The following GALNT10 variants were observed in gnomAD, a reference collection of about 807,000 sequenced individuals.
GALNT10 encodes GalNAc transferase 10.
A neutral mutation model predicts 75.0 loss-of-function variants in GALNT10; 41 were observed. The observed-to-expected ratio is 0.55, with a 90% confidence interval of 0.43 to 0.71. The LOEUF (loss-of-function observed/expected upper bound fraction) is 0.71. Among genes scored for constraint, GALNT10 ranks in the 30% least tolerant of loss-of-function variants. GALNT10 has a pLI of 0.00. For synonymous variants in GALNT10, 302 were observed against 313.0 expected, an observed-to-expected ratio of 0.96 and a Z score of 0.37; for missense variants, 727 against 818.5, an observed-to-expected ratio of 0.89 and a Z score of 1.36.
chr5:154,393,439 A>AGG (rs1435691260), intron 7 of GALNT10, among the ~76,000 whole-genome samples: 1 of 152,098 alleles, frequency 6.6e-6, no homozygotes, highest in Non-Finnish European at 1.5e-5. Flanking sequence ...TGGGGGTGGG[A>AGG]GGTCTTCAAA....
intron 1 of GALNT10, among the ~76,000 whole-genome samples, chr5:154,278,916 A>G (rs1471184627): frequency 6.6e-6 from 1 of 152,196 alleles, no homozygotes; most frequent in Admixed American, 6.5e-5. Context: ...CATTTTATAT[A>G]TATGTCACAT....
intron 1 of GALNT10, among the ~76,000 whole-genome samples, chr5:154,264,710 G>A (rs1753753164): frequency 6.6e-6 from 1 of 152,194 alleles, no homozygotes; most frequent in African/African-American, 2.4e-5. Context: ...AAGAGACAGA[G>A]ATAAGTCAAA....
At chr5:154,349,847 T>C (rs1401588596) in intron 4 of GALNT10, 1 of 152,224 alleles carries the variant, frequency 6.6e-6, no homozygotes, top group East Asian at 1.9e-4. Flanking sequence ...GGTTATCAGT[T>C]ATAGAAGAAC....
chr5:154,191,280 C>T (rs1044557400), intron 1 of GALNT10, among the ~76,000 whole-genome samples: 1 of 152,144 alleles, frequency 6.6e-6, no homozygotes, highest in African/African-American at 2.4e-5. Flanking sequence ...CCTTTCTGTC[C>T]CCGTCTGGTA....
intron 4 of GALNT10, among the ~76,000 whole-genome samples, chr5:154,371,792 G>A (rs906285647): frequency 6.6e-6 from 1 of 152,108 alleles, no homozygotes; most frequent in Non-Finnish European, 1.5e-5. Flanking sequence ...GGATAATCAA[G>A]TATTTCCTGA....
intron 1 of GALNT10, among the ~76,000 whole-genome samples, chr5:154,196,091 T>C (rs1774935260): frequency 6.6e-6 from 1 of 152,084 alleles, no homozygotes; most frequent in African/African-American, 2.4e-5. Flanking sequence ...GCCTGGCTAA[T>C]TTTGTATTTT....
intron 1 of GALNT10, among the ~76,000 whole-genome samples, chr5:154,284,911 T>C (rs1394665487): frequency 1.3e-5 from 2 of 152,196 alleles, no homozygotes; most frequent in East Asian, 3.8e-4. Flanking sequence ...AAAGTGGATA[T>C]AATGACGATA....
chr5:154,331,361 AT>A (rs1489597487), intron 4 of GALNT10, among the ~76,000 whole-genome samples: 1 of 152,124 alleles, frequency 6.6e-6, no homozygotes, highest in African/African-American at 2.4e-5. Context: ...TGCCTTCCTC[AT>A]CCCATAGTCC....
chr5:154,250,685 G>A (rs1753503517), intron 1 of GALNT10, among the ~76,000 whole-genome samples: 1 of 152,168 alleles, frequency 6.6e-6, no homozygotes, highest in Non-Finnish European at 1.5e-5. Flanking sequence ...ATAACCACCA[G>A]AGTCGCTCAA....
intron 1 of GALNT10, among the ~76,000 whole-genome samples, chr5:154,279,299 G>GTTTTT (rs1398081050): frequency 7.7e-5 from 7 of 90,918 alleles, no homozygotes; most frequent in African/African-American, 2.9e-4. Flanking sequence ...TGTTGTTGTT[G>GTTTTT]TTTTGTTTTT....
chr5:154,340,610 A>T (rs1338282213), intron 4 of GALNT10, among the ~76,000 whole-genome samples: 1 of 152,174 alleles, frequency 6.6e-6, no homozygotes, highest in East Asian at 1.9e-4. Context: ...ACGTTGGCCA[A>T]AAAGTAGGCA....
chr5:154,276,803 GATT>G (rs1415662767), intron 1 of GALNT10, among the ~76,000 whole-genome samples: 3 of 152,206 alleles, frequency 2.0e-5, no homozygotes, highest in Non-Finnish European at 4.4e-5. Context: ...GTGGAAGGGA[GATT>G]ATTTTGTAAG....
chr5:154,334,980 C>T (rs1029660445), intron 4 of GALNT10, among the ~76,000 whole-genome samples: 1 of 152,192 alleles, frequency 6.6e-6, no homozygotes, highest in Non-Finnish European at 1.5e-5. Flanking sequence ...CATTTTGCCC[C>T]ATCCCTCTTT....
Position 154,415,897 on chromosome 5 carries a change from A to G in GALNT10, c.1618A>G (p.Ser540Gly), listed in dbSNP as rs551289075. 1.2e-6 allele frequency: 2 copies of G among 1,614,152 alleles called. No individual in the cohort carries two copies. The highest frequency in any genetic ancestry group is 2.2e-5 in the South Asian group (2 of 91,078). The change falls in exon 11 of 12, where the codon AGC becomes GGC. Residue 540 changes from serine (S) to glycine (G), a missense_variant. Coordinates refer to ENST00000297107, the MANE Select transcript of GALNT10 (RefSeq NM_198321.4). ...TSPVTLYDCH[S>G]MKGNQLWKYR... ...CCCTGTCACGCTGTACGACTGCCAC[A>G]GCATGAAGGGCAACCAGCTGTGGAA... is the stretch of plus-strand genomic sequence containing the variant.
chr5:154,247,388 A>C (rs923858228), intron 1 of GALNT10, among the ~76,000 whole-genome samples: 2 of 152,216 alleles, frequency 1.3e-5, no homozygotes, highest in African/African-American at 4.8e-5. Flanking sequence ...TGAATCTATC[A>C]ATTACCTTGG....
At chr5:154,358,963 T>G (rs1308838227) in intron 4 of GALNT10, among the ~76,000 whole-genome samples, 1 of 152,198 alleles carries the variant, frequency 6.6e-6, no homozygotes, top group Non-Finnish European at 1.5e-5. Flanking sequence ...TATTATTTTT[T>G]CCCCTGTTTT....
At chr5:154,390,325 C>T (rs1755874420) in intron 7 of GALNT10, among the ~76,000 whole-genome samples, 1 of 152,162 alleles carries the variant, frequency 6.6e-6, no homozygotes, top group African/African-American at 2.4e-5. Context: ...CTAGTCCTCG[C>T]CTTTCTCTAC....
intron 1 of GALNT10, among the ~76,000 whole-genome samples, chr5:154,254,648 C>G (rs1253237713): frequency 6.6e-6 from 1 of 151,850 alleles, no homozygotes; most frequent in African/African-American, 2.4e-5. Flanking sequence ...GGCAAGCATA[C>G]TTTTATGCCG....
intron 1 of GALNT10, among the ~76,000 whole-genome samples, chr5:154,294,230 AG>A (rs1198130528): frequency 6.6e-6 from 1 of 152,114 alleles, no homozygotes; most frequent in Non-Finnish European, 1.5e-5. Flanking sequence ...AGCTACTCAG[AG>A]GTTGAGGATG....
Sources: allele counts gnomAD v4.1 joint callset (sites outside exome capture counted in the v4.1 genomes callset), GRCh38; gene constraint gnomAD v4.1.1; transcripts MANE v1.5; gene names NCBI Gene and HGNC (gene_info 2026-07-23, HGNC 2026-07-21).